WDR27: variants seen among roughly 807,000 people sequenced by gnomAD.
WDR27 encodes WD repeat-containing protein 27.
WDR27 carries 100 observed loss-of-function variants against 114.4 expected under a neutral mutation model. That is an observed-to-expected ratio of 0.87 (90% CI 0.74 to 1.03). The LOEUF is 1.03. Ranked by LOEUF, WDR27 falls within the 50% of genes least tolerant of loss-of-function variation. WDR27 has a pLI of 0.00. For synonymous variants in WDR27, 449 were observed against 423.1 expected (o/e 1.06, Z -0.75); for missense variants, 1,129 against 1,092.9 (o/e 1.03, Z -0.47).
chr6:169,596,846 C>A (rs1166229418), intron 23 of WDR27, among the ~76,000 whole-genome samples: 1 of 152,052 alleles, frequency 6.6e-6, no homozygotes, highest in Non-Finnish European at 1.5e-5. Context: ...TCATGATCAT[C>A]AATAATCTGT....
the WDR27 span, among the ~76,000 whole-genome samples, chr6:169,439,650 T>G: frequency 9.7e-6 from 1 of 102,622 alleles, no homozygotes; most frequent in East Asian, 1.9e-3. Flanking sequence ...GGTTATTCAT[T>G]TAAATATTTT....
At position 169,457,611 on chromosome 6, in the gene WDR27, A is replaced by G. The variant is rs1225029397; in HGVS notation, c.2669T>C (p.Val890Ala). Residue 890 changes from valine to alanine, a missense_variant, in exon 26 of 26, where the codon GTA (valine) becomes GCA (alanine). By Grantham distance (64) the Val-to-Ala change is moderately conservative (BLOSUM62 0). Transcript: ENST00000448612. Reference protein sequence around the residue: ...DYSLPQLPWMVNSSSF With the variant: ...DYSLPQLPWMANSSSF ...ACTCAGCTAGAAAGAGCTGGAGTTTACCATCCAAGGTAGCTGTGGCAAGCT... is the reference window on the plus strand; with the variant it reads ...ACTCAGCTAGAAAGAGCTGGAGTTTGCCATCCAAGGTAGCTGTGGCAAGCT... The G allele has an allele frequency of 6.4e-7, 1 of 1,552,688 alleles. No individual in the cohort carries two copies. The highest frequency in any genetic ancestry group is 1.4e-5 in the African/African-American group (1 of 73,272).
intron 1 of WDR27, among the ~76,000 whole-genome samples, chr6:169,700,350 G>A (rs748358324): frequency 4.6e-5 from 7 of 152,226 alleles, no homozygotes; most frequent in African/African-American, 7.2e-5. Flanking sequence ...GTGGGATCAA[G>A]AGTGGAGCAG....
intron 25 of WDR27, among the ~76,000 whole-genome samples, chr6:169,480,181 G>A (rs1026684088): frequency 6.6e-6 from 1 of 152,216 alleles, no homozygotes; most frequent in East Asian, 1.9e-4. Context: ...TAGCACCTGG[G>A]CCAGCACCTG....
rs540559078 is a variant in WDR27 at position 169,619,692 on chromosome 6, T to C, written c.2224-6036A>G. Among the ~76,000 whole-genome samples, 19 of 152,278 alleles carry C rather than the reference T, an allele frequency of 1.2e-4. No individual in the cohort carries two copies. In the South Asian group the frequency reaches 3.9e-3, roughly 32 times the overall value. On this transcript the variant is annotated intron_variant, in intron 21 of 25. Transcript: ENST00000448612. Reference sequence around the variant, plus strand: ...AGACCTGGGATCAATAGAAAGGAAATGTTCAGTTTAAGATAAAAGACTGTG... The same window carrying C: ...AGACCTGGGATCAATAGAAAGGAAACGTTCAGTTTAAGATAAAAGACTGTG...
intron 25 of WDR27, among the ~76,000 whole-genome samples, chr6:169,528,632 T>G (rs1218119933): frequency 6.6e-6 from 1 of 152,258 alleles, no homozygotes; most frequent in East Asian, 1.9e-4. Flanking sequence ...GTTCAAGAGA[T>G]TCTTGTGCCT....
At chr6:169,661,616 G>A (rs538397517) in intron 9 of WDR27, among the ~76,000 whole-genome samples, 34 of 152,254 alleles carry the variant, frequency 2.2e-4, no homozygotes, top group African/African-American at 7.2e-4. Context: ...CCCTCTGCTC[G>A]AGGTAAGCCA....
rs117082180 is a variant in WDR27 at position 169,530,868 on chromosome 6, A to C, written c.2645+41551T>G. Among the ~76,000 whole-genome samples the C allele has an allele frequency of 1.3e-3, 205 of 152,322 alleles. 4 individuals are homozygous for C. The East Asian group carries it at 0.032, about 24-fold the overall frequency. ...GTTACATTTCTAAGAATCACTGTAA[A>C]CCTTCCTAACATTCATGCATGCACG... On this transcript the variant is annotated intron_variant, in intron 25 of 25. Transcript: ENST00000448612.
the WDR27 span, among the ~76,000 whole-genome samples, chr6:169,451,399 A>G: frequency 6.6e-6 from 1 of 152,174 alleles, no homozygotes; most frequent in Non-Finnish European, 1.5e-5. Flanking sequence ...CCCGACCACC[A>G]TCACCAGGAC....
At chr6:169,609,065 A>C (rs1347148628) in intron 22 of WDR27, among the ~76,000 whole-genome samples, 1 of 152,224 alleles carries the variant, frequency 6.6e-6, no homozygotes, top group African/African-American at 2.4e-5. Context: ...TCCAGGTCAC[A>C]CTGATGCAAG....
intron 25 of WDR27, 87 bp from the exon 26 acceptor site, chr6:169,457,721 T>G (rs1305898755): frequency 2.0e-6 from 2 of 991,854 alleles, no homozygotes; most frequent in East Asian, 2.7e-5. Flanking sequence ...AAGTGTGTTA[T>G]TTTCCTTATT....
At chr6:169,632,318 A>G (rs922324509) in intron 21 of WDR27, among the ~76,000 whole-genome samples, 6 of 152,320 alleles carry the variant, frequency 3.9e-5, no homozygotes, top group African/African-American at 9.6e-5. Flanking sequence ...TGCCAGATGC[A>G]TCGTAAGTTA....
intron 25 of WDR27, among the ~76,000 whole-genome samples, chr6:169,553,396 G>A (rs573480760): frequency 6.6e-6 from 1 of 152,254 alleles, no homozygotes; most frequent in Non-Finnish European, 1.5e-5. Context: ...AATATTCTCT[G>A]CCAAATTTTC....
Position 169,662,292 on chromosome 6 carries a change from T to G in WDR27, c.1025+12A>C. The G allele has an allele frequency of 1.2e-6, 2 of 1,612,078 alleles. No individual in the cohort carries two copies. Among genetic ancestry groups the G allele is most frequent in the Non-Finnish European group, 1.7e-6 (2 of 1,178,238 alleles). On this transcript the variant is annotated intron_variant, in intron 9 of 25. Transcript: ENST00000448612. ...TCCTTTATGTGGCATAGGCAAAGTT[T>G]TTGATACTTACCATCCACATGCAGA...
At chr6:169,597,861 C>T (rs1454556584) in intron 23 of WDR27, among the ~76,000 whole-genome samples, 1 of 143,118 alleles carries the variant, frequency 7.0e-6, no homozygotes, top group Non-Finnish European at 1.5e-5. Context: ...TGCACAACTT[C>T]ACCTCTTACC....
At chr6:169,624,118 G>A (rs966928695) in intron 21 of WDR27, among the ~76,000 whole-genome samples, 1 of 132,246 alleles carries the variant, frequency 7.6e-6, no homozygotes, top group Non-Finnish European at 1.5e-5. Flanking sequence ...CCGTGTGTGG[G>A]GTCAGGTGTG....
Position 169,643,750 on chromosome 6 carries a change from T to C in WDR27, c.1694A>G (p.His565Arg). ...GCTGGCATCAAAAACGAGTAACAGA[T>C]GGTTGGCCAACCCACAGGCCAGCCA... The part of the protein sequence containing the change: ...GQWLACGLAN[H>R]LLLVFDASLT... Residue 565 changes from histidine (H) to arginine (R), a missense_variant, in exon 17 of 26, where the codon CAT becomes CGT. Physicochemically the swap from His to Arg is conservative, Grantham distance 29. Transcript: ENST00000448612. The C allele has an allele frequency of 6.2e-7, 1 of 1,613,754 alleles. No homozygotes were observed.
chr6:169,620,274 C>T (rs1443518346), intron 21 of WDR27, among the ~76,000 whole-genome samples: 1 of 152,154 alleles, frequency 6.6e-6, no homozygotes, highest in East Asian at 1.9e-4. Flanking sequence ...TGGGAACTGC[C>T]TCAGGCAAAA....
At chr6:169,700,909 T>C (rs1787781760) in intron 1 of WDR27, among the ~76,000 whole-genome samples, 1 of 152,230 alleles carries the variant, frequency 6.6e-6, no homozygotes, top group Non-Finnish European at 1.5e-5. Flanking sequence ...TGTACATACA[T>C]GCACAGAACA....
Sources: gnomAD v4.1 joint callset for allele counts (sites outside exome capture counted in the v4.1 genomes callset) on GRCh38, gnomAD v4.1.1 for gene constraint, MANE v1.5 for transcripts, NCBI Gene and HGNC (gene_info 2026-07-23, HGNC 2026-07-21) for gene names.